Variants in ELSPBP1 observed in about 807,000 individuals in gnomAD.
ELSPBP1 encodes the protein epididymal sperm-binding protein 1.
In ELSPBP1, 38 loss-of-function variants were observed where a neutral mutation model predicts 33.3. The observed-to-expected ratio is 1.14, with a 90% CI of 0.88 to 1.50. The LOEUF (loss-of-function observed/expected upper bound fraction) is 1.50. ELSPBP1 is among the 40% of genes most tolerant of loss of function. The pLI, the probability that ELSPBP1 is intolerant of heterozygous loss-of-function variation, is 0.00. For synonymous variants in ELSPBP1, 85 were observed against 94.1 expected (o/e 0.90, Z 0.56); for missense variants, 267 against 263.5 (o/e 1.01, Z -0.09).
chr19:48,005,697 T>C (rs1056824515), intron 1 of ELSPBP1, among the ~76,000 whole-genome samples: 3 of 152,192 alleles, frequency 2.0e-5, no homozygotes, highest in African/African-American at 4.8e-5. Flanking sequence ...TCTTAGCACA[T>C]GTCCGGTCCC....
intron 2 of ELSPBP1, 111 bp downstream of exon 2, chr19:48,008,848 A>C: frequency 2.0e-6 from 2 of 982,884 alleles, no homozygotes; most frequent in Non-Finnish European, 3.1e-6. Context: ...CAAAAATCTC[A>C]GAAGAAGCTG....
intron 2 of ELSPBP1, among the ~76,000 whole-genome samples, chr19:48,009,054 T>G (rs1161090538): frequency 1.3e-5 from 2 of 150,738 alleles, no homozygotes; most frequent in Non-Finnish European, 2.9e-5. Flanking sequence ...GAGAATCGCT[T>G]GAACCCAGGA....
intron 6 of ELSPBP1, among the ~76,000 whole-genome samples, chr19:48,024,016 G>T (rs1310822356): frequency 6.6e-6 from 1 of 150,492 alleles, no homozygotes; most frequent in East Asian, 2.0e-4. Flanking sequence ...GATTACAGGG[G>T]TGTGCCACCA....
chr19:47,999,190 AT>A (rs367966057), intron 1 of ELSPBP1, among the ~76,000 whole-genome samples: 7 of 151,522 alleles, frequency 4.6e-5, no homozygotes, highest in Non-Finnish European at 7.4e-5. Flanking sequence ...CCTGTTTATT[AT>A]TTTTTTTCAT....
At chr19:48,012,228 G>T (rs1967086851) in intron 2 of ELSPBP1, among the ~76,000 whole-genome samples, 1 of 152,076 alleles carries the variant, frequency 6.6e-6, no homozygotes, top group Non-Finnish European at 1.5e-5. Context: ...CAGGCTCAAA[G>T]GGTCTTCCCC....
intron 1 of ELSPBP1, among the ~76,000 whole-genome samples, chr19:47,999,640 G>A (rs1411719955): frequency 1.3e-5 from 2 of 151,710 alleles, no homozygotes; most frequent in African/African-American, 4.8e-5. Flanking sequence ...CACCCACCTC[G>A]GCCTCCCAAA....
chr19:48,023,773 C>T (rs750209809), intron 6 of ELSPBP1, among the ~76,000 whole-genome samples: 6 of 152,130 alleles, frequency 3.9e-5, no homozygotes, highest in South Asian at 2.1e-4. Context: ...CACCTCAGCC[C>T]GCTGGTCATC....
intron 2 of ELSPBP1, among the ~76,000 whole-genome samples, chr19:48,009,708 A>C (rs1424126973): frequency 6.6e-6 from 1 of 152,146 alleles, no homozygotes; most frequent in Non-Finnish European, 1.5e-5. Context: ...CGTTTTAAAA[A>C]AAGTGTGTAT....
At chr19:47,997,313 TTCTA>T (rs1228558044) in intron 1 of ELSPBP1, among the ~76,000 whole-genome samples, 8 of 152,206 alleles carry the variant, frequency 5.3e-5, no homozygotes, top group Non-Finnish European at 1.0e-4. Context: ...ACTCAGGGTG[TTCTA>T]TCTTTTTTAA....
chr19:47,999,231 G>C (rs1373583310), intron 1 of ELSPBP1, among the ~76,000 whole-genome samples: 1 of 151,926 alleles, frequency 6.6e-6, no homozygotes, highest in Non-Finnish European at 1.5e-5. Context: ...AATGATTTTG[G>C]TTTTGGTTAC....
intron 1 of ELSPBP1, among the ~76,000 whole-genome samples, chr19:48,005,202 C>CAA (rs564622240): frequency 8.5e-6 from 1 of 118,124 alleles, no homozygotes; most frequent in African/African-American, 3.2e-5. Flanking sequence ...GACCCTGTCT[C>CAA]AAAAAAAAAA....
chr19:48,006,933 T>C (rs920595228), intron 1 of ELSPBP1, among the ~76,000 whole-genome samples: 1 of 151,966 alleles, frequency 6.6e-6, no homozygotes, highest in Non-Finnish European at 1.5e-5. Context: ...CCAAGCACTG[T>C]TGGGAGAGGA....
intron 2 of ELSPBP1, 139 bp from the exon 3 acceptor site, chr19:48,014,032 A>AT (rs1208450717): frequency 2.0e-6 from 2 of 1,005,856 alleles, no homozygotes; most frequent in Non-Finnish European, 3.0e-6. Context: ...GGGGGTTAGG[A>AT]TTTTAACATA....
At chr19:48,006,558 G>A (rs1391677274) in intron 1 of ELSPBP1, among the ~76,000 whole-genome samples, 1 of 144,450 alleles carries the variant, frequency 6.9e-6, no homozygotes, top group Non-Finnish European at 1.5e-5. Flanking sequence ...AGGTTGCCGT[G>A]AGCTGAGGTG....
intron 1 of ELSPBP1, among the ~76,000 whole-genome samples, chr19:47,999,264 T>C (rs762210301): frequency 2.0e-5 from 3 of 152,178 alleles, no homozygotes; most frequent in Non-Finnish European, 4.4e-5. Context: ...CACATAAGAT[T>C]ATGATTTTAA....
chr19:48,005,205 A>C (rs1967005543), intron 1 of ELSPBP1, among the ~76,000 whole-genome samples: 1 of 151,712 alleles, frequency 6.6e-6, no homozygotes, highest in Non-Finnish European at 1.5e-5. Flanking sequence ...CCTGTCTCAA[A>C]AAAAAAAAGA....
intron 6 of ELSPBP1, among the ~76,000 whole-genome samples, chr19:48,024,750 G>C (rs1967252381): frequency 1.3e-5 from 2 of 152,156 alleles, no homozygotes. Context: ...ATAGAGGTGA[G>C]ATTGAGGAGC....
intron 4 of ELSPBP1, among the ~76,000 whole-genome samples, chr19:48,019,315 T>C (rs1278602558): frequency 1.3e-5 from 2 of 152,112 alleles, no homozygotes; most frequent in East Asian, 3.9e-4. Context: ...CAAGGTGAAA[T>C]GACCAAAGAT....
Position 48,005,232 on chromosome 19 carries a change from A to C in ELSPBP1, c.-17-3419A>C, listed in dbSNP as rs183705984. 1.1e-4 allele frequency among the ~76,000 whole-genome samples: 17 copies of C among 152,158 alleles called. No individual in the cohort carries two copies. In the East Asian group the frequency reaches 3.3e-3, roughly 29 times the overall value. The stretch of plus-strand genomic sequence containing the variant: ...AAAAAAAGAAAAGAAAAAAGAAAAA[A>C]ACAAAAAGAGAAAAAGAGCTCAGCC... On this transcript the variant is annotated intron_variant, in intron 1 of 6. Coordinates refer to ENST00000339841, the MANE Select transcript of ELSPBP1 (RefSeq NM_022142.5).
Sources: allele counts gnomAD v4.1 joint callset (sites outside exome capture counted in the v4.1 genomes callset), GRCh38; gene constraint gnomAD v4.1.1; transcripts MANE v1.5; gene names NCBI Gene and HGNC (gene_info 2026-07-23, HGNC 2026-07-21).